BMP8B: variants seen among roughly 807,000 people sequenced by gnomAD.
BMP8B encodes bone morphogenetic protein 8b.
A neutral mutation model predicts 30.3 loss-of-function variants in BMP8B; 17 were observed. The observed-to-expected ratio is 0.56, with a 90% CI of 0.38 to 0.84. The LOEUF (loss-of-function observed/expected upper bound fraction) is 0.84. Ranked by LOEUF, BMP8B falls within the 40% of genes least tolerant of loss-of-function variation. BMP8B has a pLI of 0.00. For missense variants in BMP8B, 253 were observed against 494.6 expected, an observed-to-expected ratio of 0.51 and a Z score of 4.63; for synonymous variants, 131 against 214.7, an observed-to-expected ratio of 0.61 and a Z score of 3.41.
chr1:39,775,615 G>C (rs1650171848), intron 1 of BMP8B, among the ~76,000 whole-genome samples: 1 of 152,336 alleles, frequency 6.6e-6, no homozygotes, highest in Non-Finnish European at 1.5e-5. Flanking sequence ...TGGTGTCAGG[G>C]AGACGGGCCC....
chr1:39,778,065 A>G (rs1040638779), intron 1 of BMP8B, among the ~76,000 whole-genome samples: 1 of 152,228 alleles, frequency 6.6e-6, no homozygotes, highest in Non-Finnish European at 1.5e-5. Context: ...GTGGGTGGAC[A>G]TGGGAGGCTC....
At position 39,760,250 on chromosome 1, in the gene BMP8B, AG is replaced by A; in HGVS notation, c.*168del. 8.8e-7 allele frequency: 1 copy of A among 1,133,564 alleles called. No individual in the cohort carries two copies. Among genetic ancestry groups the A allele is most frequent in the Non-Finnish European group, 1.2e-6 (1 of 820,506 alleles). The allele number at this position is 1,133,564 out of a possible 1,614,324, so 70.2% of individuals were successfully genotyped here. ...AGTCACACAAATGCCTGGCAGGGCA[AG>A]GGGAGCATAGGAGCCTGGCATGAAG... On this transcript the variant is annotated 3_prime_UTR_variant, in exon 7 of 7. Coordinates refer to ENST00000372827, the MANE Select transcript of BMP8B (RefSeq NM_001720.5).
intron 1 of BMP8B, among the ~76,000 whole-genome samples, chr1:39,779,393 G>A (rs184546749): frequency 4.2e-4 from 64 of 152,352 alleles, no homozygotes; most frequent in Middle Eastern, 3.4e-3. Flanking sequence ...GGGGCTGGGT[G>A]CACCATGGGG....
intron 1 of BMP8B, among the ~76,000 whole-genome samples, chr1:39,781,269 G>T (rs903858196): frequency 6.6e-6 from 1 of 152,168 alleles, no homozygotes; most frequent in Admixed American, 6.5e-5. Flanking sequence ...CCAGAACCCT[G>T]ATGTGTGCAG....
chr1:39,761,385 A>G (rs28405581), intron 6 of BMP8B: 38,191 of 152,128 alleles, frequency 0.25, 4,983 homozygotes, highest in Non-Finnish European at 0.29. Context: ...TGACCACAGC[A>G]GCCTTCACTC....
intron 6 of BMP8B, among the ~76,000 whole-genome samples, chr1:39,761,703 CCTT>C (rs1267547340): frequency 6.6e-5 from 10 of 152,270 alleles, no homozygotes; most frequent in African/African-American, 2.4e-4. Flanking sequence ...TGGAATTGCT[CCTT>C]CTGCTGGAAC....
chr1:39,781,997 A>G (rs936868852), intron 1 of BMP8B, among the ~76,000 whole-genome samples: 1 of 152,008 alleles, frequency 6.6e-6, no homozygotes, highest in African/African-American at 2.4e-5. Flanking sequence ...TCTCTACTAA[A>G]AATACAAAAT....
At chr1:39,776,011 AT>A (rs1438231763) in intron 1 of BMP8B, among the ~76,000 whole-genome samples, 1 of 152,308 alleles carries the variant, frequency 6.6e-6, no homozygotes, top group East Asian at 1.9e-4. Flanking sequence ...GGGACGGCAC[AT>A]GAGCTCTGCT....
rs755930737 is a variant in BMP8B at position 39,757,791 on chromosome 1, A to G, written c.*2628T>C. ...TGCACATGCTTGGCTCAGCAAACGGATAAGGATTAAATTCATGGACTTTGT... is the reference window on the plus strand; with the variant it reads ...TGCACATGCTTGGCTCAGCAAACGGGTAAGGATTAAATTCATGGACTTTGT... On this transcript the variant is annotated 3_prime_UTR_variant, in exon 7 of 7. Transcript: ENST00000372827. 1 of 152,238 alleles carries G rather than the reference A, an allele frequency of 6.6e-6. No individual in the cohort carries two copies. The highest frequency in any genetic ancestry group is 1.5e-5 in the Non-Finnish European group (1 of 68,050). 9.4% of individuals were successfully genotyped at this position (152,238 alleles called of 1,614,324 possible).
At position 39,769,652 on chromosome 1, in the gene BMP8B, G is replaced by T. The variant is rs776496703; in HGVS notation, c.673+4656C>A. On this transcript the variant is annotated intron_variant, in intron 3 of 6. Transcript: ENST00000372827. ...GGACATGTATTCCCCTGGGGAACCC[G>T]GTGGCACCCGCCCTGAGGAGCGCAC... 6.8e-6 allele frequency: 10 copies of T among 1,478,030 alleles called. No homozygotes were observed. The African/African-American group carries it at 1.3e-4, about 19-fold the overall frequency. The allele number at this position is 1,478,030 out of a possible 1,614,324, so 91.6% of individuals were successfully genotyped here.
At chr1:39,771,047 G>A (rs1649938791) in intron 3 of BMP8B, 1 of 1,523,946 alleles carries the variant, frequency 6.6e-7, no homozygotes, top group East Asian at 2.4e-5. Flanking sequence ...CAGGTTCTCG[G>A]GGATCCCGCA....
chr1:39,768,127 A>G (rs1352662890), intron 3 of BMP8B, among the ~76,000 whole-genome samples: 1 of 151,492 alleles, frequency 6.6e-6, no homozygotes, highest in African/African-American at 2.4e-5. Flanking sequence ...TTTTGAGACT[A>G]TAGATTCAGG....
chr1:39,782,827 G>A (rs1044348907), intron 1 of BMP8B, among the ~76,000 whole-genome samples: 3 of 151,836 alleles, frequency 2.0e-5, no homozygotes, highest in Admixed American at 1.3e-4. Flanking sequence ...TATGATACAG[G>A]CATTATTATT....
intron 3 of BMP8B, among the ~76,000 whole-genome samples, chr1:39,765,858 A>G (rs967493503): frequency 2.7e-5 from 3 of 112,484 alleles, no homozygotes; most frequent in Admixed American, 8.3e-5. Context: ...CAGCCTGGGC[A>G]ACATAGTGAG....
intron 3 of BMP8B, among the ~76,000 whole-genome samples, chr1:39,767,048 CCTCA>C (rs1383869367): frequency 1.3e-5 from 2 of 152,258 alleles, no homozygotes; most frequent in Non-Finnish European, 2.9e-5. Context: ...TGCAGGCTTT[CCTCA>C]CTATTTGCTT....
rs1649395156 is a variant in BMP8B, at chr1:39,763,927, A to G, written c.869-136T>C. 7 of 1,142,810 alleles carry G rather than the reference A, an allele frequency of 6.1e-6. No individual in the cohort carries two copies. In the Admixed American group the frequency reaches 7.3e-5, roughly 12 times the overall value. The allele number at this position is 1,142,810 out of a possible 1,614,324, so 70.8% of individuals were successfully genotyped here. A position where few individuals can be genotyped will look rare whatever the true frequency, so the allele number is the denominator to read the frequency against. ...TGACAGGAAACCATTTGGTCTCATA[A>G]AGCCCATCCCTGGAACTCTGCTTGT... On this transcript the variant is annotated intron_variant, in intron 4 of 6. Coordinates refer to ENST00000372827, the MANE Select transcript of BMP8B (RefSeq NM_001720.5).
chr1:39,762,159 T>C (rs1174040870), intron 6 of BMP8B, among the ~76,000 whole-genome samples: 2 of 152,238 alleles, frequency 1.3e-5, no homozygotes, highest in Admixed American at 1.3e-4. Flanking sequence ...AGCATTATCA[T>C]AGGCTCAGAG....
rs1196278490 is a variant in BMP8B at position 39,763,109 on chromosome 1, C to T, written c.1042G>A (p.Ala348Thr). 4 of 1,613,910 alleles carry T rather than the reference C, an allele frequency of 2.5e-6. No individual in the cohort carries two copies. Among genetic ancestry groups the T allele is most frequent in the Admixed American group, 1.7e-5 (1 of 60,000 alleles). The change falls in exon 6 of 7, where the codon GCC (alanine) becomes ACC (threonine). Residue 348 changes from alanine to threonine, a missense_variant. Around this residue, in one of 7 missense-constraint regions of BMP8B, gnomAD observed 116 missense variants for 142.3 expected, o/e 0.81. Transcript: ENST00000372827. ...LDSCMNATNH[A>T]ILQSLVHLMM... Reference sequence around the variant, plus strand: ...GTACTGACCAGGGACTGCAGGATGGCGTGGTTGGTGGCATTCATGCAGGAG... The same window carrying T: ...GTACTGACCAGGGACTGCAGGATGGTGTGGTTGGTGGCATTCATGCAGGAG...
intron 3 of BMP8B, chr1:39,770,093 C>T: frequency 1.6e-6 from 2 of 1,225,640 alleles, no homozygotes; most frequent in South Asian, 1.5e-5. Flanking sequence ...GATGTGTCCC[C>T]CTCGGATCAT....
Sources: gnomAD v4.1 joint callset for allele counts (sites outside exome capture counted in the v4.1 genomes callset) on GRCh38, gnomAD v4.1.1 for gene constraint, gnomAD v4.1.1 regional missense constraint, MANE v1.5 for transcripts, NCBI Gene and HGNC (gene_info 2026-07-23, HGNC 2026-07-21) for gene names.